CNTNAP2: variants seen among roughly 807,000 people sequenced by gnomAD.
CNTNAP2 encodes contactin-associated protein-like 2.
A neutral mutation model predicts 155.2 loss-of-function variants in CNTNAP2; 98 were observed. The observed-to-expected ratio is 0.63, with a 90% CI of 0.54 to 0.75. CNTNAP2 has a LOEUF of 0.75. Ranked by LOEUF, CNTNAP2 falls within the 30% of genes least tolerant of loss-of-function variation. CNTNAP2 has a pLI of 0.00. For missense variants in CNTNAP2, 1,727 were observed against 1,688.1 expected (o/e 1.02, Z -0.40); for synonymous variants, 651 against 631.2 (o/e 1.03, Z -0.47).
At chr7:146,132,727 A>G (rs1468398118) in intron 1 of CNTNAP2, among the ~76,000 whole-genome samples, 1 of 151,490 alleles carries the variant, frequency 6.6e-6, no homozygotes, top group Non-Finnish European at 1.5e-5. Flanking sequence ...CCATGTCCCT[A>G]CAAAGGACAT....
intron 12 of CNTNAP2, among the ~76,000 whole-genome samples, chr7:147,617,055 T>C (rs1279354165): frequency 1.3e-5 from 2 of 152,156 alleles, no homozygotes; most frequent in African/African-American, 4.8e-5. Context: ...CTCATCCAGA[T>C]CCTTTATTTC....
At chr7:146,537,850 G>T (rs572291543) in intron 1 of CNTNAP2, among the ~76,000 whole-genome samples, 17 of 152,140 alleles carry the variant, frequency 1.1e-4, no homozygotes, top group African/African-American at 3.6e-4. Context: ...TGACACTGGG[G>T]AGAGAGCAGG....
intron 12 of CNTNAP2, among the ~76,000 whole-genome samples, chr7:147,630,461 T>G (rs1795067584): frequency 6.6e-6 from 1 of 151,776 alleles, no homozygotes. Context: ...GAATTCTCCC[T>G]AAATCATTCT....
At chr7:146,713,139 C>T (rs1471912942) in intron 1 of CNTNAP2, among the ~76,000 whole-genome samples, 2 of 151,904 alleles carry the variant, frequency 1.3e-5, no homozygotes, top group East Asian at 3.9e-4. Context: ...AGAGATAAAA[C>T]ATATAAAAGC....
intron 8 of CNTNAP2, among the ~76,000 whole-genome samples, chr7:147,279,360 C>T (rs980784009): frequency 6.6e-6 from 1 of 151,674 alleles, no homozygotes; most frequent in Admixed American, 6.6e-5. Flanking sequence ...CTGAGAAAGA[C>T]GTTTGAATTC....
intron 1 of CNTNAP2, among the ~76,000 whole-genome samples, chr7:146,327,190 G>A (rs1048298716): frequency 6.6e-6 from 1 of 152,050 alleles, no homozygotes; most frequent in African/African-American, 2.4e-5. Context: ...AATATTTATA[G>A]GACTCCATGG....
chr7:146,535,799 T>C (rs1797860030), intron 1 of CNTNAP2, among the ~76,000 whole-genome samples: 1 of 152,006 alleles, frequency 6.6e-6, no homozygotes, highest in South Asian at 2.1e-4. Context: ...CCATTGTCTA[T>C]TGTTCCCGTA....
chr7:147,124,105 G>T (rs67344201), intron 6 of CNTNAP2, among the ~76,000 whole-genome samples: 1 of 152,090 alleles, frequency 6.6e-6, no homozygotes, highest in East Asian at 1.9e-4. Flanking sequence ...CTCTAGTTTT[G>T]TTGTACTTAT....
chr7:146,908,338 C>A (rs1302878210), intron 3 of CNTNAP2, among the ~76,000 whole-genome samples: 3 of 149,750 alleles, frequency 2.0e-5, no homozygotes, highest in African/African-American at 7.3e-5. Flanking sequence ...CCCAAATCAA[C>A]AGAATATACA....
chr7:148,323,957 C>G (rs1049572566), intron 21 of CNTNAP2, among the ~76,000 whole-genome samples: 2 of 148,944 alleles, frequency 1.3e-5, no homozygotes, highest in Non-Finnish European at 3.0e-5. Flanking sequence ...AATCTCGGCT[C>G]ACTGCAACCT....
intron 13 of CNTNAP2, among the ~76,000 whole-genome samples, chr7:147,773,955 C>A (rs1322232665): frequency 6.6e-6 from 1 of 152,152 alleles, no homozygotes; most frequent in East Asian, 1.9e-4. Context: ...ATATTGACCT[C>A]TTTGCTGTTC....
intron 1 of CNTNAP2, among the ~76,000 whole-genome samples, chr7:146,513,151 G>A (rs1797492615): frequency 1.3e-5 from 2 of 151,702 alleles, no homozygotes; most frequent in Non-Finnish European, 3.0e-5. Flanking sequence ...GGAAACTTTT[G>A]CCATTTATTC....
Position 146,515,939 on chromosome 7 carries a change from C to T in CNTNAP2, c.98-258332C>T, listed in dbSNP as rs185731979. 3.9e-5 allele frequency among the ~76,000 whole-genome samples: 6 copies of T among 152,108 alleles called. No individual in the cohort carries two copies. In the East Asian group the frequency reaches 1.2e-3, roughly 29 times the overall value. Reference sequence around the variant, plus strand: ...TCAATATGTCAGTAAAATTGCTGTACTGGGACTATATAAACTATTATTCAA... The same window carrying T: ...TCAATATGTCAGTAAAATTGCTGTATTGGGACTATATAAACTATTATTCAA... On this transcript the variant is annotated intron_variant, in intron 1 of 23. Coordinates refer to ENST00000361727, the MANE Select transcript of CNTNAP2 (RefSeq NM_014141.6).
At chr7:146,940,814 T>C (rs1296700207) in intron 3 of CNTNAP2, among the ~76,000 whole-genome samples, 1 of 142,590 alleles carries the variant, frequency 7.0e-6, no homozygotes, top group Non-Finnish European at 1.6e-5. Context: ...TATATGTGTG[T>C]GTGTGTATAT....
intron 9 of CNTNAP2, among the ~76,000 whole-genome samples, chr7:147,304,159 C>T (rs913229677): frequency 6.6e-6 from 1 of 152,146 alleles, no homozygotes. Context: ...AGTCTTAGTC[C>T]TCCTTTGTAA....
rs534236152 is a variant in CNTNAP2 at position 146,306,924 on chromosome 7, G to A, written c.97+189951G>A. On this transcript the variant is annotated intron_variant, in intron 1 of 23. Transcript: ENST00000361727. The stretch of plus-strand genomic sequence containing the variant: ...CATTCCCTTTGAAAACGGGCACAAG[G>A]CAGGGATGCCCTCTCTCACCACTCC... Among the ~76,000 whole-genome samples the A allele has an allele frequency of 1.5e-4, 23 of 152,222 alleles. No individual in the cohort carries two copies. In the South Asian group the frequency reaches 4.1e-3, roughly 27 times the overall value.
At chr7:146,133,889 C>G (rs556280672) in intron 1 of CNTNAP2, among the ~76,000 whole-genome samples, 1 of 151,818 alleles carries the variant, frequency 6.6e-6, no homozygotes, top group Non-Finnish European at 1.5e-5. Context: ...ATTGACTTGG[C>G]GATGCGGGCT....
At chr7:147,411,814 G>T (rs1459718953) in intron 10 of CNTNAP2, among the ~76,000 whole-genome samples, 1 of 152,038 alleles carries the variant, frequency 6.6e-6, no homozygotes, top group Admixed American at 6.6e-5. Context: ...CTAAAACTTT[G>T]AGGATTATCA....
chr7:146,239,346 A>G (rs1799523605), intron 1 of CNTNAP2, among the ~76,000 whole-genome samples: 1 of 152,154 alleles, frequency 6.6e-6, no homozygotes, highest in African/African-American at 2.4e-5. Context: ...CCGTGGATAA[A>G]AAGCAAAGTT....
Sources: allele counts gnomAD v4.1 joint callset (sites outside exome capture counted in the v4.1 genomes callset), GRCh38; gene constraint gnomAD v4.1.1; transcripts MANE v1.5; gene names NCBI Gene and HGNC (gene_info 2026-07-23, HGNC 2026-07-21).